CNTNAP2: variants seen among roughly 807,000 people sequenced by gnomAD.
CNTNAP2 encodes the protein contactin-associated protein-like 2.
In CNTNAP2, 98 loss-of-function variants were observed where a neutral mutation model predicts 155.2. The ratio of observed to expected loss-of-function variants is 0.63; its 90% CI spans 0.54 to 0.75. The LOEUF (loss-of-function observed/expected upper bound fraction) is 0.75, where lower values mean the gene tolerates loss of function less well. Among genes scored for constraint, CNTNAP2 ranks in the 30% least tolerant of loss-of-function variants. The pLI is 0.00. For missense variants in CNTNAP2, 1,727 were observed against 1,688.1 expected (o/e 1.02, Z -0.40); for synonymous variants, 651 against 631.2 (o/e 1.03, Z -0.47).
chr7:146,988,899 A>G (rs936877134), intron 3 of CNTNAP2, among the ~76,000 whole-genome samples: 1 of 152,186 alleles, frequency 6.6e-6, no homozygotes, highest in Admixed American at 6.5e-5. Context: ...ACTTGCTCCC[A>G]AATCGGAGCC....
intron 12 of CNTNAP2, among the ~76,000 whole-genome samples, chr7:147,599,652 G>C (rs1374837564): frequency 6.6e-6 from 1 of 152,002 alleles, no homozygotes; most frequent in African/African-American, 2.4e-5. Flanking sequence ...CCAGCTTCTG[G>C]TGGTTGCAAT....
intron 9 of CNTNAP2, among the ~76,000 whole-genome samples, chr7:147,326,570 A>G (rs752916042): frequency 2.6e-5 from 4 of 152,178 alleles, no homozygotes; most frequent in Non-Finnish European, 4.4e-5. Context: ...GCTGGATTAC[A>G]TGTTAATTCT....
intron 3 of CNTNAP2, among the ~76,000 whole-genome samples, chr7:147,025,450 A>G (rs1458103702): frequency 2.2e-3 from 10 of 4,528 alleles, no homozygotes; most frequent in Admixed American, 5.3e-3. Flanking sequence ...AGGGGAGGGG[A>G]GGAGGGGGAG....
chr7:148,233,032 G>T lies in CNTNAP2; in HGVS notation c.3381+3253G>T, dbSNP rs146469559. The stretch of plus-strand genomic sequence containing the variant: ...CAGAACCCATGGCATACCTCCAGTG[G>T]CATCATTTGTGAAAACTCACAGTCG... On this transcript the variant is annotated intron_variant, in intron 20 of 23. Coordinates refer to ENST00000361727, the MANE Select transcript of CNTNAP2 (RefSeq NM_014141.6). 3.3e-5 allele frequency among the ~76,000 whole-genome samples: 5 copies of T among 152,286 alleles called. No homozygotes were observed. The South Asian group carries it at 1.0e-3, about 32-fold the overall frequency.
intron 4 of CNTNAP2, among the ~76,000 whole-genome samples, chr7:147,076,787 T>G (rs1800008807): frequency 6.6e-6 from 1 of 152,208 alleles, no homozygotes; most frequent in Non-Finnish European, 1.5e-5. Context: ...ATTTTCTACT[T>G]TAATAGACGT....
At chr7:146,947,813 G>T (rs1797222088) in intron 3 of CNTNAP2, among the ~76,000 whole-genome samples, 2 of 151,572 alleles carry the variant, frequency 1.3e-5, no homozygotes, top group South Asian at 4.2e-4. Flanking sequence ...GACTGAGGTG[G>T]GAGGATCACT....
At chr7:146,777,765 C>T (rs1364047635) in intron 2 of CNTNAP2, among the ~76,000 whole-genome samples, 1 of 151,982 alleles carries the variant, frequency 6.6e-6, no homozygotes, top group Non-Finnish European at 1.5e-5. Context: ...GGGGTTTTGC[C>T]ATGTTGGCCA....
chr7:147,324,572 T>C (rs1452966703), intron 9 of CNTNAP2, among the ~76,000 whole-genome samples: 1 of 152,194 alleles, frequency 6.6e-6, no homozygotes, highest in East Asian at 1.9e-4. Context: ...CACTTTAGTC[T>C]TTCCTCAATA....
At chr7:147,767,392 T>C (rs1171823828) in intron 13 of CNTNAP2, among the ~76,000 whole-genome samples, 1 of 152,104 alleles carries the variant, frequency 6.6e-6, no homozygotes, top group Non-Finnish European at 1.5e-5. Flanking sequence ...ATTTCCGTAA[T>C]ACATATAATT....
chr7:146,710,588 A>G (rs1242643694), intron 1 of CNTNAP2, among the ~76,000 whole-genome samples: 1 of 152,280 alleles, frequency 6.6e-6, no homozygotes, highest in South Asian at 2.1e-4. Flanking sequence ...GCAGTAGATG[A>G]CAAAGTTACT....
chr7:147,457,446 T>TC lies in CNTNAP2; in HGVS notation c.1671-28486dup, dbSNP rs1375370932. On this transcript the variant is annotated intron_variant, in intron 10 of 23. Transcript: ENST00000361727. ...TGCCACATCACCAGAAAAGCCCATC[T>TC]CCCACTGTTCTGTATCCCCTGAACC... Among the ~76,000 whole-genome samples, 12 of 152,254 alleles carry TC rather than the reference T, an allele frequency of 7.9e-5. No homozygotes were observed. The Middle Eastern group carries it at 0.01, about 129-fold the overall frequency.
chr7:146,801,030 C>T (rs545885196), intron 2 of CNTNAP2, among the ~76,000 whole-genome samples: 1 of 152,026 alleles, frequency 6.6e-6, no homozygotes, highest in African/African-American at 2.4e-5. Context: ...TAAAGAAATA[C>T]CTGAGGCTGG....
intron 1 of CNTNAP2, among the ~76,000 whole-genome samples, chr7:146,341,713 T>TCAAAAA (rs1403255335): frequency 1.3e-5 from 2 of 152,124 alleles, no homozygotes; most frequent in South Asian, 4.1e-4. Flanking sequence ...AGTGTTAATT[T>TCAAAAA]CAAAAACAAA....
At chr7:146,931,684 C>T (rs1242357017) in intron 3 of CNTNAP2, among the ~76,000 whole-genome samples, 53 of 149,016 alleles carry the variant, frequency 3.6e-4, no homozygotes, top group South Asian at 1.7e-3. Context: ...ATTGATAGAC[C>T]GCTAGCAAGA....
intron 10 of CNTNAP2, among the ~76,000 whole-genome samples, chr7:147,423,942 C>T (rs826651): frequency 0.12 from 18,832 of 152,144 alleles, 1,427 homozygotes; most frequent in East Asian, 0.32. Flanking sequence ...TCTCTCTTTC[C>T]TAACACTTGC....
chr7:146,945,516 G>T (rs139431797), intron 3 of CNTNAP2, among the ~76,000 whole-genome samples: 2 of 152,232 alleles, frequency 1.3e-5, no homozygotes, highest in African/African-American at 4.8e-5. Flanking sequence ...GGAGGAAAAA[G>T]GCGCAGCAGC....
At chr7:146,251,378 T>G (rs1274838053) in intron 1 of CNTNAP2, among the ~76,000 whole-genome samples, 3 of 152,192 alleles carry the variant, frequency 2.0e-5, no homozygotes, top group African/African-American at 7.2e-5. Flanking sequence ...TTTATAAAAT[T>G]TGCTTCATTT....
intron 22 of CNTNAP2, among the ~76,000 whole-genome samples, chr7:148,403,164 G>A: frequency 7.1e-6 from 1 of 140,800 alleles, no homozygotes; most frequent in East Asian, 2.0e-4. Context: ...TACGTTCCTG[G>A]GAGAAGACTC....
chr7:147,295,695 C>T (rs533987399), intron 8 of CNTNAP2, among the ~76,000 whole-genome samples: 2 of 152,248 alleles, frequency 1.3e-5, no homozygotes, highest in Admixed American at 1.3e-4. Context: ...AGAAGCAGCA[C>T]ATTTTTCTAT....
Sources: gnomAD v4.1 joint callset for allele counts (sites outside exome capture counted in the v4.1 genomes callset) on GRCh38, gnomAD v4.1.1 for gene constraint, MANE v1.5 for transcripts, NCBI Gene and HGNC (gene_info 2026-07-23, HGNC 2026-07-21) for gene names.